ERN1: variants seen among roughly 807,000 people sequenced by gnomAD.
The protein encoded by ERN1 is endoplasmic reticulum to nucleus signaling 1.
Under a neutral mutation model 113.1 loss-of-function variants are expected in ERN1, and 39 were observed. That is an observed-to-expected ratio of 0.34 (90% CI 0.27 to 0.45). The LOEUF (loss-of-function observed/expected upper bound fraction) is 0.45, where lower values mean the gene tolerates loss of function less well. Among genes scored for constraint, ERN1 ranks in the 20% least tolerant of loss-of-function variants. The pLI is 1.00. For missense variants in ERN1, 976 were observed against 1,274.8 expected, an observed-to-expected ratio of 0.77 and a Z score of 3.57; for synonymous variants, 507 against 515.9, an observed-to-expected ratio of 0.98 and a Z score of 0.23.
At chr17:64,059,611 A>G (rs1912987956) in intron 11 of ERN1, among the ~76,000 whole-genome samples, 1 of 152,152 alleles carries the variant, frequency 6.6e-6, no homozygotes, top group African/African-American at 2.4e-5. Context: ...GACTGGGTAA[A>G]GCTAACAGGG....
intron 12 of ERN1, 101 bp downstream of exon 12, chr17:64,057,701 A>C: frequency 8.8e-7 from 1 of 1,140,996 alleles, no homozygotes; most frequent in South Asian, 1.4e-5. Context: ...ATGGGGAAAG[A>C]AATGTGCTGG....
intron 2 of ERN1, among the ~76,000 whole-genome samples, chr17:64,096,673 T>A (rs1421263257): frequency 6.6e-6 from 1 of 152,156 alleles, no homozygotes; most frequent in Non-Finnish European, 1.5e-5. Context: ...TAAATACACA[T>A]TCAATTGAGT....
intron 6 of ERN1, among the ~76,000 whole-genome samples, chr17:64,070,952 G>A (rs1567869445): frequency 6.6e-6 from 1 of 152,216 alleles, no homozygotes; most frequent in African/African-American, 2.4e-5. Context: ...TATGCCTGAT[G>A]TAGAGAGACA....
At position 64,129,986 on chromosome 17, in the gene ERN1, G is replaced by A. The variant is rs1373132468; in HGVS notation, c.44C>T (p.Pro15Leu). ...TCCCCGGTCACTCACCCCGAGGCCG[G>A]GCAGCAGCAGCGTCAGCAGCAGCAG... Reference protein sequence around the residue: ...RLLLLLTLLLPGLGIFGSTST... With the variant: ...RLLLLLTLLLLGLGIFGSTST... Residue 15 changes from proline to leucine, a missense_variant, in exon 1 of 22, where the codon CCC becomes CTC. By Grantham distance (98) the Pro-to-Leu change is moderately conservative. Around this residue, in one of 5 missense-constraint regions of ERN1, gnomAD observed 459 missense variants for 581.2 expected, o/e 0.79. Coordinates refer to ENST00000433197, the MANE Select transcript of ERN1 (RefSeq NM_001433.5). 2 of 1,449,334 alleles carry A rather than the reference G, an allele frequency of 1.4e-6. No homozygotes were observed. Among genetic ancestry groups the A allele is most frequent in the Non-Finnish European group, 9.0e-7 (1 of 1,106,898 alleles). The allele number at this position is 1,449,334 out of a possible 1,614,324, so 89.8% of individuals were successfully genotyped here.
Position 64,054,796 on chromosome 17 carries a change from T to C in ERN1, c.1705A>G (p.Ile569Val). Residue 569 changes from isoleucine (I) to valine (V), a missense_variant, in exon 14 of 22, where the codon ATT becomes GTT. By Grantham distance (29) the Ile-to-Val change is conservative. This residue lies in a region of ERN1 where 112 missense variants were observed against 106.2 expected (regional missense o/e 1.05). Transcript: ENST00000433197. The surrounding 1 kb of genome is among the most constrained non-coding windows in gnomAD (Gnocchi z 4.9). ...AGGACATCCTTGGGACAGAAGGAAA[T>C]TTTCCCAACTATCACCACGCTGGTT... ...EETSVVIVGK[I>V]SFCPKDVLGH... 6.2e-7 allele frequency: 1 copy of C among 1,610,148 alleles called. No individual in the cohort carries two copies. Among genetic ancestry groups the C allele is most frequent in the Non-Finnish European group, 8.5e-7 (1 of 1,178,480 alleles).
At chr17:64,055,449 A>T (rs1446673396) in intron 13 of ERN1, among the ~76,000 whole-genome samples, 1 of 152,186 alleles carries the variant, frequency 6.6e-6, no homozygotes, top group Non-Finnish European at 1.5e-5. Context: ...GCCCTTGTGG[A>T]GAAAGACAGG....
chr17:64,096,317 C>T (rs113116253), intron 2 of ERN1, among the ~76,000 whole-genome samples: 304 of 152,322 alleles, frequency 2.0e-3, no homozygotes, highest in Middle Eastern at 0.017. Flanking sequence ...TTGTGTACTA[C>T]GCATGCAAGT....
At position 64,080,446 on chromosome 17, in the gene ERN1, G is replaced by A. The variant is rs9898796; in HGVS notation, c.209+329C>T. 643 of 273,836 alleles carry A rather than the reference G, an allele frequency of 2.3e-3. 5 individuals are homozygous for A. Among genetic ancestry groups the A allele is most frequent in the Non-Finnish European group, 3.5e-3 (496 of 140,998 alleles). 17.0% of individuals were successfully genotyped at this position (273,836 alleles called of 1,614,324 possible). A position where few individuals can be genotyped will look rare whatever the true frequency, so the allele number is the denominator to read the frequency against. ...CCCAACACACACTCTGTAGTAGCAG[G>A]TCACATTCACCTTTTTTCTCCATGA... On this transcript the variant is annotated intron_variant, in intron 3 of 21. Transcript: ENST00000433197.
At chr17:64,094,690 C>A (rs536360316) in intron 2 of ERN1, among the ~76,000 whole-genome samples, 1 of 151,524 alleles carries the variant, frequency 6.6e-6, no homozygotes, top group Non-Finnish European at 1.5e-5. Context: ...CTACAAGACT[C>A]CCTTGCCTCC....
At chr17:64,127,174 T>A (rs1417079570) in intron 1 of ERN1, among the ~76,000 whole-genome samples, 1 of 152,112 alleles carries the variant, frequency 6.6e-6, no homozygotes, top group African/African-American at 2.4e-5. Context: ...TAGCCTAAAG[T>A]CTCAACTCAT....
At chr17:64,080,244 G>A (rs140743633) in intron 3 of ERN1, among the ~76,000 whole-genome samples, 2 of 152,338 alleles carry the variant, frequency 1.3e-5, no homozygotes, top group African/African-American at 4.8e-5. Flanking sequence ...CCGCCAAGGG[G>A]ACAGATCAAG....
intron 8 of ERN1, 47 bp from the exon 9 acceptor site, chr17:64,065,334 G>C (rs1221777533): frequency 7.1e-7 from 1 of 1,409,212 alleles, no homozygotes; most frequent in Non-Finnish European, 9.8e-7. Context: ...TGAATTTCCA[G>C]ATCCCACAGA....
Position 64,094,333 on chromosome 17 carries a change from C to T in ERN1, c.175+3788G>A, listed in dbSNP as rs112482560. 2.9e-3 allele frequency among the ~76,000 whole-genome samples: 434 copies of T among 152,102 alleles called. 2 individuals carry two copies. Among genetic ancestry groups the T allele is most frequent in the African/African-American group, 9.5e-3 (392 of 41,466 alleles). On this transcript the variant is annotated intron_variant, in intron 2 of 21. Coordinates refer to ENST00000433197, the MANE Select transcript of ERN1 (RefSeq NM_001433.5). ...CATTTGTTCCTGGGGGGAGTGTCAG[C>T]GTGTGTCCGAGCATTTACATGCTAT...
rs1027023550 is a variant in ERN1, at chr17:64,102,681, T to C, written c.55-4440A>G. 26 of 985,428 alleles carry C rather than the reference T, an allele frequency of 2.6e-5. No individual in the cohort carries two copies. In the African/African-American group the frequency reaches 4.4e-4, roughly 17 times the overall value. 61.0% of individuals were successfully genotyped at this position (985,428 alleles called of 1,614,324 possible). A position where few individuals can be genotyped will look rare whatever the true frequency, so the allele number is the denominator to read the frequency against. The stretch of plus-strand genomic sequence containing the variant: ...CTGAGAACTATTTGTACCTGAACAC[T>C]GAAAAACGCTGCTTCACAAAGATGA... On this transcript the variant is annotated intron_variant, in intron 1 of 21. Transcript: ENST00000433197.
chr17:64,098,575 T>A (rs750430424), intron 1 of ERN1: 9 of 558,836 alleles, frequency 1.6e-5, no homozygotes, highest in Non-Finnish European at 2.8e-5. Context: ...TATTCTATTC[T>A]CTAAAACCTG....
Position 64,055,655 on chromosome 17 carries a change from A to C in ERN1, c.1672+20T>G, listed in dbSNP as rs995607260. 2 of 1,547,972 alleles carry C rather than the reference A, an allele frequency of 1.3e-6. No homozygotes were observed. Among genetic ancestry groups the C allele is most frequent in the Non-Finnish European group, 1.7e-6 (2 of 1,148,380 alleles). On this transcript the variant is annotated intron_variant, in intron 13 of 21. Transcript: ENST00000433197. ...CTCGAATAAAACATAAAATAGCACC[A>C]AGATGGCAACTGGCTTTACCTCCAT... is the stretch of plus-strand genomic sequence containing the variant.
At chr17:64,094,706 C>T (rs1914183557) in intron 2 of ERN1, among the ~76,000 whole-genome samples, 1 of 151,634 alleles carries the variant, frequency 6.6e-6, no homozygotes, top group African/African-American at 2.4e-5. Flanking sequence ...CCTCCTTGAG[C>T]TCTTGCTCAA....
chr17:64,099,563 T>C (rs1024041830), intron 1 of ERN1, among the ~76,000 whole-genome samples: 1 of 152,178 alleles, frequency 6.6e-6, no homozygotes, highest in Non-Finnish European at 1.5e-5. Flanking sequence ...TTGCTTATAC[T>C]GCAACAGTTT....
rs772180449 is a variant in ERN1 at position 64,052,885 on chromosome 17, C to T, written c.2148G>A (p.Lys716=). ...KAMISDFGLC[K]KLAVGRHSFS... is the part of the protein sequence containing the mutation. Reference sequence around the variant, plus strand: ...AACTGTGTCTGCCCACTGCCAGCTTCTTGCAGAGGCCAAAGTCGGAGATCA... The same window carrying T: ...AACTGTGTCTGCCCACTGCCAGCTTTTTGCAGAGGCCAAAGTCGGAGATCA... Residue 716 remains lysine, a synonymous_variant, in exon 17 of 22, where the codon AAG becomes AAA. Transcript: ENST00000433197. 3.1e-6 allele frequency: 5 copies of T among 1,613,882 alleles called. No individual in the cohort carries two copies. Among genetic ancestry groups the T allele is most frequent in the South Asian group, 1.1e-5 (1 of 91,078 alleles).
Sources: gnomAD v4.1 joint callset for allele counts (sites outside exome capture counted in the v4.1 genomes callset) on GRCh38, gnomAD v4.1.1 for gene constraint, gnomAD v4.1.1 regional missense constraint, Gnocchi (gnomAD v3.1) non-coding constraint, MANE v1.5 for transcripts, NCBI Gene and HGNC (gene_info 2026-07-23, HGNC 2026-07-21) for gene names.